Variants in ZNF189 observed in about 807,000 individuals in gnomAD.
The protein encoded by ZNF189 is zinc finger protein 189.
A neutral mutation model predicts 53.5 loss-of-function variants in ZNF189; 33 were observed. The observed-to-expected ratio is 0.62, with a 90% CI of 0.47 to 0.82. ZNF189 has a LOEUF of 0.82. Ranked by LOEUF, ZNF189 falls within the 40% of genes least tolerant of loss-of-function variation. The pLI is 0.00. For synonymous variants in ZNF189, 247 were observed against 238.8 expected, an observed-to-expected ratio of 1.03 and a Z score of -0.32; for missense variants, 711 against 753.9, an observed-to-expected ratio of 0.94 and a Z score of 0.67.
intron 2 of ZNF189, among the ~76,000 whole-genome samples, chr9:101,404,062 T>C (rs1361937222): frequency 2.4e-4 from 37 of 152,234 alleles, no homozygotes; most frequent in Admixed American, 2.4e-3. Flanking sequence ...GAGACAACTA[T>C]CTGTGTAGAA....
At chr9:101,402,376 A>G (rs542907113) in intron 2 of ZNF189, among the ~76,000 whole-genome samples, 1 of 152,276 alleles carries the variant, frequency 6.6e-6, no homozygotes. Flanking sequence ...CACCTACCTC[A>G]TAGGGTTATT....
At chr9:101,406,622 A>G (rs760067403) in intron 2 of ZNF189, among the ~76,000 whole-genome samples, 1 of 152,220 alleles carries the variant, frequency 6.6e-6, no homozygotes, top group Non-Finnish European at 1.5e-5. Flanking sequence ...ATTTTAGAAT[A>G]AAATAATGAA....
intron 2 of ZNF189, among the ~76,000 whole-genome samples, chr9:101,404,957 A>G (rs1021481530): frequency 1.3e-5 from 2 of 152,196 alleles, no homozygotes; most frequent in Non-Finnish European, 2.9e-5. Context: ...TTTGTAGAGG[A>G]ACTGTTGCTT....
At chr9:101,399,839 T>A (rs1402126328) in intron 1 of ZNF189, 45 bp from the exon 2 acceptor site, 2 of 1,612,674 alleles carry the variant, frequency 1.2e-6, no homozygotes. Context: ...GGTAGAATTG[T>A]CCTTGAGACA....
Position 101,408,125 on chromosome 9 carries a change from A to T in ZNF189, c.357A>T (p.Pro119=), listed in dbSNP as rs756338566. 1 of 1,613,970 alleles carries T rather than the reference A, an allele frequency of 6.2e-7. No individual in the cohort carries two copies. ...KQRGIFLWEI[P]RESLTQEQRM... ...GAGGGATCTTCCTATGGGAAATACC[A>T]AGGGAATCTTTGACCCAGGAACAGA... The change falls in exon 3 of 3, where the codon CCA becomes CCT. Residue 119 remains proline, a synonymous_variant. Transcript: ENST00000339664.
At chr9:101,406,526 C>T (rs1470412755) in intron 2 of ZNF189, among the ~76,000 whole-genome samples, 1 of 151,892 alleles carries the variant, frequency 6.6e-6, no homozygotes, top group East Asian at 1.9e-4. Context: ...GAAAATACAG[C>T]CCACTGAAAA....
chr9:101,401,920 C>CGT (rs112917056), intron 2 of ZNF189, among the ~76,000 whole-genome samples: 31 of 150,850 alleles, frequency 2.1e-4, no homozygotes, highest in South Asian at 6.3e-4. Flanking sequence ...AAATAAGTCC[C>CGT]ATTTTTTTTT....
At chr9:101,401,252 C>G (rs931574663) in intron 2 of ZNF189, among the ~76,000 whole-genome samples, 3 of 152,094 alleles carry the variant, frequency 2.0e-5, no homozygotes, top group African/African-American at 7.2e-5. Flanking sequence ...CTGATATGCT[C>G]ACTGCCCTGT....
rs1161513809 is a variant in ZNF189 at position 101,408,292 on chromosome 9, C to G, written c.524C>G (p.Pro175Arg). 1 of 1,614,016 alleles carries G rather than the reference C, an allele frequency of 6.2e-7. No homozygotes were observed. The highest frequency in any genetic ancestry group is 1.1e-5 in the South Asian group (1 of 91,080). Residue 175 changes from proline (P) to arginine (R), a missense_variant, in exon 3 of 3, where the codon CCT becomes CGT. Coordinates refer to ENST00000339664, the MANE Select transcript of ZNF189 (RefSeq NM_003452.4). ...CAAAGGGTCCATACTGGTGAGAAACCTTTTCAGTGCAATGAATGTGGGAAA... is the reference window on the plus strand; with the variant it reads ...CAAAGGGTCCATACTGGTGAGAAACGTTTTCAGTGCAATGAATGTGGGAAA... Reference protein sequence around the residue: ...QHQRVHTGEKPFQCNECGKSF... With the variant: ...QHQRVHTGEKRFQCNECGKSF...
chr9:101,402,785 T>TA (rs967364741), intron 2 of ZNF189, among the ~76,000 whole-genome samples: 44 of 152,326 alleles, frequency 2.9e-4, no homozygotes, highest in African/African-American at 9.9e-4. Context: ...ATATGCTTCT[T>TA]AAATATTTAT....
rs754827135 is a variant in ZNF189 at position 101,399,911 on chromosome 9, G to A, written c.61G>A (p.Val21Met). ...GTTGCTGACATTTGAGGATGTGGCT[G>A]TGTTTTTTACCCAGGAGGAGTGGGA... ...KGLLTFEDVAVFFTQEEWDYL... is the reference protein window; with the variant it reads ...KGLLTFEDVAMFFTQEEWDYL... The change falls in exon 2 of 3, where the codon GTG becomes ATG. Residue 21 changes from valine (V) to methionine (M), a missense_variant. Val to Met is a conservative substitution (Grantham distance 21). Coordinates refer to ENST00000339664, the MANE Select transcript of ZNF189 (RefSeq NM_003452.4). 7 of 1,614,054 alleles carry A rather than the reference G, an allele frequency of 4.3e-6. No individual in the cohort carries two copies. In the African/African-American group the frequency reaches 9.3e-5, roughly 22 times the overall value.
chr9:101,401,900 C>T (rs1286774870), intron 2 of ZNF189, among the ~76,000 whole-genome samples: 3 of 148,800 alleles, frequency 2.0e-5, no homozygotes, highest in Non-Finnish European at 4.5e-5. Context: ...CATCAGCTAC[C>T]GCTCTGTGAA....
At chr9:101,400,049 A>G (rs780138950) in intron 2 of ZNF189, 39 bp downstream of exon 2, 2 of 1,604,450 alleles carry the variant, frequency 1.2e-6, no homozygotes, top group East Asian at 2.2e-5. Flanking sequence ...ATATCTAAGA[A>G]GGTAGAGAGA....
chr9:101,399,286 G>C, intron 1 of ZNF189, 97 bp downstream of exon 1: 1 of 1,426,148 alleles, frequency 7.0e-7, no homozygotes, highest in East Asian at 2.6e-5. Flanking sequence ...CCAACCTCCT[G>C]ACCGCCTCTT....
At chr9:101,404,113 C>A (rs5007868) in intron 2 of ZNF189, among the ~76,000 whole-genome samples, 3,646 of 152,308 alleles carry the variant, frequency 0.024, 148 homozygotes, top group African/African-American at 0.083. Context: ...ATTGCATAAG[C>A]ATTGCCAAGC....
intron 2 of ZNF189, among the ~76,000 whole-genome samples, chr9:101,401,111 C>T (rs1830515530): frequency 6.6e-6 from 1 of 152,224 alleles, no homozygotes; most frequent in Non-Finnish European, 1.5e-5. Context: ...ACCTTTCTCT[C>T]TTTCCTACCC....
chr9:101,399,374 T>A, intron 1 of ZNF189, 185 bp downstream of exon 1: 2 of 636,180 alleles, frequency 3.1e-6, no homozygotes, highest in Non-Finnish European at 4.1e-6. Context: ...ACTGGCTCCC[T>A]TTTTTTTTTT....
In ZNF189 at chr9:101,410,179, T is replaced by A. The variant is rs1291669462; in HGVS notation, c.*530T>A. On this transcript the variant is annotated 3_prime_UTR_variant, in exon 3 of 3. Coordinates refer to ENST00000339664, the MANE Select transcript of ZNF189 (RefSeq NM_003452.4). The stretch of plus-strand genomic sequence containing the variant: ...AAAGCCAGTTGTTTGGCATGTGAGT[T>A]AAAGGCAGTTCCAATGCCTGATGGT... 6.5e-6 allele frequency: 1 copy of A among 153,178 alleles called. No homozygotes were observed. The highest frequency in any genetic ancestry group is 2.4e-5 in the African/African-American group (1 of 41,476). The allele number at this position is 153,178 out of a possible 1,614,324, so 9.5% of individuals were successfully genotyped here.
chr9:101,408,023 A>T lies in ZNF189; in HGVS notation c.255A>T (p.Thr85=), dbSNP rs756468203. 1.1e-5 allele frequency: 18 copies of T among 1,613,636 alleles called. No homozygotes were observed. The highest frequency in any genetic ancestry group is 4.0e-5 in the African/African-American group (3 of 74,922). The change falls in exon 3 of 3, where the codon ACA becomes ACT. Residue 85 remains threonine, a synonymous_variant. Transcript: ENST00000339664. The part of the protein sequence containing the change: ...EEVEPQGVIV[T]RIKSEIDQDP... The stretch of plus-strand genomic sequence containing the variant: ...TGGAACCACAGGGTGTAATAGTTAC[A>T]AGAATCAAAAGTGAAATTGACCAGG...
Sources: allele counts gnomAD v4.1 joint callset (sites outside exome capture counted in the v4.1 genomes callset), GRCh38; gene constraint gnomAD v4.1.1; transcripts MANE v1.5; gene names NCBI Gene and HGNC (gene_info 2026-07-23, HGNC 2026-07-21).